The following DYM variants were observed in gnomAD, a reference collection of about 807,000 sequenced individuals.
DYM encodes dyggve-Melchior-Clausen syndrome protein.
In DYM, 78 loss-of-function variants were observed where a neutral mutation model predicts 93.1. That is an observed-to-expected ratio of 0.84 (90% CI 0.70 to 1.01). The LOEUF (loss-of-function observed/expected upper bound fraction) is 1.01, where lower values mean the gene tolerates loss of function less well. Among genes scored for constraint, DYM ranks in the 50% least tolerant of loss-of-function variants. The pLI is 0.00. For missense variants in DYM, 789 were observed against 845.0 expected, an observed-to-expected ratio of 0.93 and a Z score of 0.82; for synonymous variants, 321 against 319.7, an observed-to-expected ratio of 1.00 and a Z score of -0.04.
chr18:49,285,183 A>T (rs2095092494), intron 9 of DYM, among the ~76,000 whole-genome samples: 1 of 152,254 alleles, frequency 6.6e-6, no homozygotes, highest in African/African-American at 2.4e-5. Context: ...ATTGAGTCTC[A>T]GGTATTTTGT....
At chr18:49,098,111 C>T (rs373895602) in intron 16 of DYM, among the ~76,000 whole-genome samples, 5 of 152,240 alleles carry the variant, frequency 3.3e-5, no homozygotes, top group South Asian at 2.1e-4. Flanking sequence ...TGGAAATACA[C>T]GGTCCCTAAA....
chr18:49,274,259 T>G (rs1241531594), intron 10 of DYM, among the ~76,000 whole-genome samples: 1 of 152,104 alleles, frequency 6.6e-6, no homozygotes, highest in East Asian at 1.9e-4. Context: ...CTACGTAGAT[T>G]TTTGTGACTT....
chr18:49,201,669 C>G (rs989233244), intron 14 of DYM, among the ~76,000 whole-genome samples: 1 of 152,180 alleles, frequency 6.6e-6, no homozygotes, highest in Admixed American at 6.5e-5. Flanking sequence ...GCCAAACATC[C>G]TATTACTGCC....
intron 14 of DYM, among the ~76,000 whole-genome samples, chr18:49,194,411 A>C (rs1196795054): frequency 6.6e-6 from 1 of 152,202 alleles, no homozygotes; most frequent in Non-Finnish European, 1.5e-5. Context: ...ACCTAGGAGC[A>C]TCTGGTGGGA....
intron 14 of DYM, among the ~76,000 whole-genome samples, chr18:49,194,306 T>G (rs1236783581): frequency 1.4e-4 from 22 of 152,172 alleles, no homozygotes; most frequent in Admixed American, 1.4e-3. Context: ...ATTTAGCATG[T>G]CCATATTCAG....
chr18:49,405,261 G>A (rs1189862008), intron 2 of DYM, among the ~76,000 whole-genome samples: 3 of 151,988 alleles, frequency 2.0e-5, no homozygotes, highest in Non-Finnish European at 4.4e-5. Context: ...AGATTCCACT[G>A]GTCAATTTTT....
intron 14 of DYM, among the ~76,000 whole-genome samples, chr18:49,200,996 A>G (rs761279829): frequency 6.6e-5 from 10 of 152,210 alleles, no homozygotes; most frequent in Non-Finnish European, 1.3e-4. Context: ...AAAATAATCC[A>G]GAATCACGTA....
At chr18:49,394,205 G>T (rs1193424666) in intron 2 of DYM, among the ~76,000 whole-genome samples, 2 of 152,118 alleles carry the variant, frequency 1.3e-5, no homozygotes, top group African/African-American at 2.4e-5. Context: ...TTACTAGATA[G>T]TTGAGCTTGG....
chr18:49,307,450 C>T (rs1027899703), intron 8 of DYM, among the ~76,000 whole-genome samples: 1 of 152,068 alleles, frequency 6.6e-6, no homozygotes, highest in African/African-American at 2.4e-5. Context: ...TGCAAATTTG[C>T]CCATACTATT....
At chr18:49,201,887 A>G (rs971792086) in intron 14 of DYM, among the ~76,000 whole-genome samples, 9 of 152,144 alleles carry the variant, frequency 5.9e-5, no homozygotes, top group African/African-American at 1.4e-4. Flanking sequence ...ATTTTTTCCC[A>G]ATGGTATTAT....
chr18:49,444,358 A>C (rs1275029573), intron 1 of DYM, among the ~76,000 whole-genome samples: 1 of 152,222 alleles, frequency 6.6e-6, no homozygotes, highest in African/African-American at 2.4e-5. Context: ...ATTTTTCTGA[A>C]TGAAAAGAAT....
intron 1 of DYM, among the ~76,000 whole-genome samples, chr18:49,444,448 C>T (rs1328419679): frequency 6.6e-6 from 1 of 152,154 alleles, no homozygotes. Context: ...ACAACAGGGT[C>T]TACGTGCAAA....
intron 2 of DYM, among the ~76,000 whole-genome samples, chr18:49,412,127 CAACTGCCA>C (rs533942264): frequency 1.3e-5 from 2 of 151,392 alleles, no homozygotes; most frequent in African/African-American, 4.8e-5. Context: ...TGCTGTCATT[CAACTGCCA>C]AAATGAAAGG....
chr18:49,140,948 T>C (rs2084413447), intron 15 of DYM, among the ~76,000 whole-genome samples: 1 of 152,188 alleles, frequency 6.6e-6, no homozygotes, highest in South Asian at 2.1e-4. Context: ...TTAATCCTCA[T>C]CTTACCCTCA....
intron 6 of DYM, among the ~76,000 whole-genome samples, chr18:49,361,241 C>T (rs1174534590): frequency 6.6e-6 from 1 of 152,202 alleles, no homozygotes; most frequent in Non-Finnish European, 1.5e-5. Context: ...TCAGCTGCCT[C>T]AGCCCTACTT....
At chr18:49,426,539 G>A (rs2074307939) in intron 2 of DYM, among the ~76,000 whole-genome samples, 1 of 150,940 alleles carries the variant, frequency 6.6e-6, no homozygotes, top group Non-Finnish European at 1.5e-5. Flanking sequence ...AGAACTTAAA[G>A]TATAATAAAA....
At chr18:49,458,548 A>T (rs1234722478) in intron 1 of DYM, among the ~76,000 whole-genome samples, 1 of 152,196 alleles carries the variant, frequency 6.6e-6, no homozygotes, top group East Asian at 1.9e-4. Flanking sequence ...GCCTATTAAA[A>T]AGAGCAGGCC....
intron 16 of DYM, among the ~76,000 whole-genome samples, chr18:49,109,598 G>C (rs1047991095): frequency 6.6e-6 from 1 of 152,194 alleles, no homozygotes. Flanking sequence ...AGGGAAGTTT[G>C]TTAGTCACAG....
chr18:49,335,820 T>TC (rs949146474), intron 6 of DYM, among the ~76,000 whole-genome samples: 1 of 151,878 alleles, frequency 6.6e-6, no homozygotes, highest in Non-Finnish European at 1.5e-5. Context: ...GTCTTTTTTT[T>TC]TTTTCTTTTT....
Sources: allele counts gnomAD v4.1 joint callset (sites outside exome capture counted in the v4.1 genomes callset), GRCh38; gene constraint gnomAD v4.1.1; transcripts MANE v1.5; gene names NCBI Gene and HGNC (gene_info 2026-07-23, HGNC 2026-07-21).